SAMMSON: variants seen among roughly 807,000 people sequenced by gnomAD.
SAMMSON encodes the protein long intergenic non-protein coding RNA 1212.
intron 9 of SAMMSON, among the ~76,000 whole-genome samples, chr3:70,363,758 CT>C (rs1298189025): frequency 6.6e-6 from 1 of 150,612 alleles, no homozygotes; most frequent in Non-Finnish European, 1.5e-5. Context: ...TGTGATTTAT[CT>C]TTTTTTAAAG....
At chr3:70,340,384 G>GTA (rs35449676) in intron 7 of SAMMSON, among the ~76,000 whole-genome samples, 900 of 24,618 alleles carry the variant, frequency 0.037, 4 homozygotes, top group Non-Finnish European at 0.05. Flanking sequence ...TAGAACTAAA[G>GTA]TATATATATA....
chr3:70,316,067 C>T (rs1702492084), intron 7 of SAMMSON, among the ~76,000 whole-genome samples: 2 of 152,094 alleles, frequency 1.3e-5, no homozygotes, highest in African/African-American at 2.4e-5. Context: ...TTTATTTTGA[C>T]TCAAGCCTCA....
intron 7 of SAMMSON, among the ~76,000 whole-genome samples, chr3:70,339,875 A>C (rs978697707): frequency 6.6e-6 from 1 of 152,198 alleles, no homozygotes; most frequent in Non-Finnish European, 1.5e-5. Context: ...AACTGGAAAT[A>C]CCATTTGACC....
intron 4 of SAMMSON, among the ~76,000 whole-genome samples, chr3:70,241,030 C>T (rs768430467): frequency 6.6e-6 from 1 of 152,080 alleles, no homozygotes; most frequent in Non-Finnish European, 1.5e-5. Flanking sequence ...ATTTTTACAC[C>T]TTGTAACCAA....
intron 9 of SAMMSON, among the ~76,000 whole-genome samples, chr3:70,359,982 T>C (rs796513973): frequency 3.3e-5 from 5 of 152,270 alleles, no homozygotes; most frequent in African/African-American, 1.2e-4. Context: ...TATTTTTTAC[T>C]ATAAAGATCA....
chr3:70,010,752 C>T (rs958714242), intron 1 of SAMMSON, among the ~76,000 whole-genome samples: 2 of 152,154 alleles, frequency 1.3e-5, no homozygotes, highest in African/African-American at 4.8e-5. Flanking sequence ...AATTGACTCA[C>T]AGTTCCGCAT....
chr3:70,143,865 T>C (rs376307903), intron 4 of SAMMSON, among the ~76,000 whole-genome samples: 1 of 152,166 alleles, frequency 6.6e-6, no homozygotes, highest in East Asian at 1.9e-4. Context: ...TTTTCTGCTG[T>C]CCTGCCAGGA....
At chr3:70,398,664 C>T (rs1425248128) in intron 2 of SAMMSON, among the ~76,000 whole-genome samples, 1 of 152,028 alleles carries the variant, frequency 6.6e-6, no homozygotes, top group Admixed American at 6.6e-5. Context: ...TTTTTGGAAT[C>T]CTAAAGATGT....
chr3:70,375,514 G>A (rs939165411), intron 9 of SAMMSON, among the ~76,000 whole-genome samples: 1 of 151,944 alleles, frequency 6.6e-6, no homozygotes, highest in African/African-American at 2.4e-5. Context: ...ATTTGTGATG[G>A]TGTGGGAGTT....
intron 4 of SAMMSON, among the ~76,000 whole-genome samples, chr3:70,156,766 T>C (rs147858322): frequency 6.6e-6 from 1 of 152,162 alleles, no homozygotes; most frequent in East Asian, 1.9e-4. Flanking sequence ...TTATGGAAAG[T>C]GAAAGAAGGG....
intron 6 of SAMMSON, among the ~76,000 whole-genome samples, chr3:70,260,741 T>G (rs1373031440): frequency 6.6e-6 from 1 of 151,942 alleles, no homozygotes; most frequent in Non-Finnish European, 1.5e-5. Flanking sequence ...ACTTTCAGAT[T>G]TAGGGATGGT....
At chr3:70,173,952 G>A (rs1172976064) in intron 4 of SAMMSON, among the ~76,000 whole-genome samples, 1 of 151,868 alleles carries the variant, frequency 6.6e-6, no homozygotes, top group African/African-American at 2.4e-5. Flanking sequence ...ATGTAGAATG[G>A]ATAGGAATCT....
chr3:70,382,483 G>T (rs1219351799), intron 9 of SAMMSON, among the ~76,000 whole-genome samples: 4 of 152,208 alleles, frequency 2.6e-5, no homozygotes, highest in Middle Eastern at 3.4e-3. Flanking sequence ...GCTGCTACTG[G>T]CATTTAGTAA....
intron 6 of SAMMSON, among the ~76,000 whole-genome samples, chr3:70,254,336 T>C (rs1311898698): frequency 1.3e-5 from 2 of 152,202 alleles, no homozygotes; most frequent in Non-Finnish European, 2.9e-5. Flanking sequence ...AAATTGCATA[T>C]TTTTATTCAA....
At chr3:70,294,924 CAAAGTA>C (rs1702275275) in intron 7 of SAMMSON, among the ~76,000 whole-genome samples, 1 of 152,080 alleles carries the variant, frequency 6.6e-6, no homozygotes, top group African/African-American at 2.4e-5. Context: ...AAAAACAAAG[CAAAGTA>C]AAACAACCAA....
At chr3:70,276,454 T>C (rs529185779) in intron 6 of SAMMSON, among the ~76,000 whole-genome samples, 17 of 152,276 alleles carry the variant, frequency 1.1e-4, no homozygotes, top group African/African-American at 3.8e-4. Flanking sequence ...CCTCTCATTA[T>C]TTTTTTAGGA....
intron 3 of SAMMSON, among the ~76,000 whole-genome samples, chr3:70,059,014 C>T (rs1273912949): frequency 6.6e-6 from 1 of 151,978 alleles, no homozygotes; most frequent in Non-Finnish European, 1.5e-5. Flanking sequence ...GGCTAGTTGA[C>T]CTGTTTAAGT....
chr3:70,390,087 CA>C (rs1365688381), downstream of SAMMSON, among the ~76,000 whole-genome samples: 1 of 151,960 alleles, frequency 6.6e-6, no homozygotes, highest in Non-Finnish European at 1.5e-5. Flanking sequence ...AATTTAAAGA[CA>C]GTACAGACTT....
At chr3:70,063,298 C>T (rs2067197340) in intron 3 of SAMMSON, among the ~76,000 whole-genome samples, 3 of 151,978 alleles carry the variant, frequency 2.0e-5, no homozygotes. Context: ...ATCTTTAGAC[C>T]CACCTGCAAC....
Sources: allele counts gnomAD v4.1 joint callset (sites outside exome capture counted in the v4.1 genomes callset), GRCh38; gene constraint gnomAD v4.1.1; transcripts MANE v1.5; gene names NCBI Gene and HGNC (gene_info 2026-07-23, HGNC 2026-07-21).